The following FYN variants were observed in gnomAD, a reference collection of about 807,000 sequenced individuals.
FYN encodes the protein tyrosine-protein kinase Fyn.
FYN carries 10 observed loss-of-function variants against 70.2 expected under a neutral mutation model. The ratio of observed to expected loss-of-function variants is 0.14; its 90% CI spans 0.09 to 0.24. FYN has a LOEUF of 0.24. Ranked by LOEUF, FYN falls within the 10% of genes least tolerant of loss-of-function variation. The pLI, the probability that FYN is intolerant of heterozygous loss-of-function variation, is 1.00. For missense variants in FYN, 319 were observed against 673.1 expected, an observed-to-expected ratio of 0.47 and a Z score of 5.82; for synonymous variants, 236 against 248.6, an observed-to-expected ratio of 0.95 and a Z score of 0.48.
chr6:111,693,653 A>C (rs1799448347), intron 12 of FYN, among the ~76,000 whole-genome samples: 1 of 152,136 alleles, frequency 6.6e-6, no homozygotes, highest in Non-Finnish European at 1.5e-5. Context: ...GGGGATGATG[A>C]AAGGAGGTAG....
intron 1 of FYN, among the ~76,000 whole-genome samples, chr6:111,862,949 T>C (rs1377798841): frequency 1.3e-5 from 2 of 152,164 alleles, no homozygotes; most frequent in Admixed American, 6.5e-5. Context: ...AACGAGATGG[T>C]AATGGGCTTC....
At chr6:111,715,664 G>A (rs968660228) in intron 4 of FYN, among the ~76,000 whole-genome samples, 2 of 152,112 alleles carry the variant, frequency 1.3e-5, no homozygotes, top group East Asian at 1.9e-4. Context: ...AACAGCCAGC[G>A]AGGCACCGAA....
intron 2 of FYN, among the ~76,000 whole-genome samples, chr6:111,793,471 A>G (rs1477965748): frequency 6.6e-6 from 1 of 152,140 alleles, no homozygotes; most frequent in Admixed American, 6.5e-5. Flanking sequence ...GGCACAAAGT[A>G]GGCACTCAAC....
intron 2 of FYN, among the ~76,000 whole-genome samples, chr6:111,808,518 C>T (rs1772224107): frequency 6.6e-6 from 1 of 152,182 alleles, no homozygotes; most frequent in African/African-American, 2.4e-5. Flanking sequence ...ATATTCTGAC[C>T]TCCCTCTTCT....
chr6:111,863,693 C>T (rs1774027148), intron 1 of FYN, among the ~76,000 whole-genome samples: 1 of 152,158 alleles, frequency 6.6e-6, no homozygotes, highest in Non-Finnish European at 1.5e-5. Context: ...GATGGAAGCT[C>T]TGAAGAAAAT....
At chr6:111,831,084 A>G in intron 2 of FYN, among the ~76,000 whole-genome samples, 1 of 152,188 alleles carries the variant, frequency 6.6e-6, no homozygotes, top group Middle Eastern at 3.2e-3. Flanking sequence ...GTGCGTATAC[A>G]TGTACAGGTT....
At chr6:111,720,211 T>A (rs754063804) in intron 3 of FYN, 149 bp from the exon 4 acceptor site, 2 of 872,984 alleles carry the variant, frequency 2.3e-6, no homozygotes, top group East Asian at 5.4e-5. Context: ...GCTGGGGAGA[T>A]GGTTAGGAGG....
At chr6:111,839,151 A>G (rs1159252146) in intron 2 of FYN, among the ~76,000 whole-genome samples, 1 of 152,124 alleles carries the variant, frequency 6.6e-6, no homozygotes, top group Non-Finnish European at 1.5e-5. Context: ...ACTTCTGTCC[A>G]TCTAGACAGC....
At chr6:111,831,033 G>A (rs914275770) in intron 2 of FYN, among the ~76,000 whole-genome samples, 1 of 152,022 alleles carries the variant, frequency 6.6e-6, no homozygotes, top group African/African-American at 2.4e-5. Context: ...GGCACGCAGG[G>A]GTCTCAATCA....
At chr6:111,837,969 T>G (rs895985469) in intron 2 of FYN, among the ~76,000 whole-genome samples, 1 of 152,210 alleles carries the variant, frequency 6.6e-6, no homozygotes, top group African/African-American at 2.4e-5. Context: ...CTGACTGTAT[T>G]CAGTAGTGAC....
intron 2 of FYN, among the ~76,000 whole-genome samples, chr6:111,842,652 A>C (rs1241910833): frequency 6.6e-6 from 1 of 152,168 alleles, no homozygotes; most frequent in Non-Finnish European, 1.5e-5. Flanking sequence ...AAAAGAAAAA[A>C]CTTGTATGAA....
chr6:111,665,534 G>A (rs1010628030), intron 13 of FYN, among the ~76,000 whole-genome samples: 1 of 152,170 alleles, frequency 6.6e-6, no homozygotes, highest in Admixed American at 6.5e-5. Context: ...AATAGGAAGG[G>A]AATAAACACG....
chr6:111,762,886 C>T (rs910171993), intron 3 of FYN, among the ~76,000 whole-genome samples: 3 of 152,134 alleles, frequency 2.0e-5, no homozygotes, highest in Admixed American at 6.5e-5. Flanking sequence ...AATGGCTGGA[C>T]ACGGGTGAGA....
intron 2 of FYN, among the ~76,000 whole-genome samples, chr6:111,838,544 G>C (rs1271815378): frequency 6.6e-6 from 1 of 152,222 alleles, no homozygotes; most frequent in Non-Finnish European, 1.5e-5. Flanking sequence ...CTGGAGAGAG[G>C]TCCTTGGAAC....
intron 3 of FYN, among the ~76,000 whole-genome samples, chr6:111,757,134 TAAG>T (rs1466235585): frequency 1.3e-5 from 2 of 152,190 alleles, no homozygotes; most frequent in Non-Finnish European, 2.9e-5. Flanking sequence ...TTAGAATTGA[TAAG>T]AGGTTTCAGC....
rs946226919 is a variant in FYN, at chr6:111,830,505, C to T, written c.-82+16084G>A. Among the ~76,000 whole-genome samples, 7 of 101,470 alleles carry T rather than the reference C, an allele frequency of 6.9e-5. No homozygotes were observed. The Admixed American group carries it at 8.4e-4, about 12-fold the overall frequency. The allele number at this position is 101,470 out of a possible 152,430, so 66.6% of individuals were successfully genotyped here. ...GACTGAGTTAGAAAGTGTGGTAGCA[C>T]AGTGCTGGGAGAGAGTCCAGGGGCA... is the stretch of plus-strand genomic sequence containing the variant. On this transcript the variant is annotated intron_variant, in intron 2 of 13. Coordinates refer to ENST00000354650, the MANE Select transcript of FYN (RefSeq NM_002037.5).
At chr6:111,791,592 G>A (rs923035884) in intron 2 of FYN, among the ~76,000 whole-genome samples, 1 of 152,166 alleles carries the variant, frequency 6.6e-6, no homozygotes, top group African/African-American at 2.4e-5. Flanking sequence ...CAGAGACAGA[G>A]GTCAGAGCAA....
intron 2 of FYN, among the ~76,000 whole-genome samples, chr6:111,818,307 C>T (rs193212070): frequency 1.3e-5 from 2 of 152,196 alleles, no homozygotes; most frequent in East Asian, 3.9e-4. Context: ...TCCAGGTGGG[C>T]GCTGAGCACA....
intron 2 of FYN, among the ~76,000 whole-genome samples, chr6:111,837,756 T>TGA (rs567532029): frequency 7.9e-5 from 12 of 151,656 alleles, no homozygotes; most frequent in Non-Finnish European, 1.2e-4. Context: ...AGCTCTTTGG[T>TGA]GAGACGGTCA....
Sources: allele counts gnomAD v4.1 joint callset (sites outside exome capture counted in the v4.1 genomes callset), GRCh38; gene constraint gnomAD v4.1.1; transcripts MANE v1.5; gene names NCBI Gene and HGNC (gene_info 2026-07-23, HGNC 2026-07-21).